The following LRP5 variants were observed in gnomAD, a reference collection of about 807,000 sequenced individuals.
LRP5 encodes low-density lipoprotein receptor-related protein 5.
LRP5 carries 62 observed loss-of-function variants against 154.1 expected under a neutral mutation model. The ratio of observed to expected loss-of-function variants is 0.40; its 90% CI spans 0.33 to 0.50. The LOEUF (loss-of-function observed/expected upper bound fraction) is 0.50. LRP5 is among the 20% of genes least tolerant of loss of function. LRP5 has a pLI of 0.55. For missense variants in LRP5, 1,915 were observed against 2,336.7 expected (o/e 0.82, Z 3.72); for synonymous variants, 966 against 1,011.5 (o/e 0.96, Z 0.85).
intron 1 of LRP5, among the ~76,000 whole-genome samples, chr11:68,345,663 C>G (rs1445945906): frequency 6.6e-6 from 1 of 152,168 alleles, no homozygotes; most frequent in African/African-American, 2.4e-5. Context: ...TCCCTGTTTT[C>G]AGTTCTTTTG....
intron 19 of LRP5, 43 bp downstream of exon 19, chr11:68,437,042 T>A (rs2153180608): frequency 2.6e-6 from 4 of 1,548,172 alleles, no homozygotes; most frequent in Non-Finnish European, 3.6e-6. Flanking sequence ...CCGGGCTGGG[T>A]TCCCCCAGGA....
Position 68,446,610 on chromosome 11 carries a change from A to G in LRP5, c.4586+77A>G. 20 of 1,263,488 alleles carry G rather than the reference A, an allele frequency of 1.6e-5. 1 individual carries two copies. In the South Asian group the frequency reaches 2.4e-4, roughly 15 times the overall value. 78.3% of individuals were successfully genotyped at this position (1,263,488 alleles called of 1,614,324 possible). ...GGTGGAGGGGCCTAATCCCCATGCC[A>G]CTGATGAGGGGAGGTATTCTGGGTG... On this transcript the variant is annotated intron_variant, in intron 22 of 22. Coordinates refer to ENST00000294304, the MANE Select transcript of LRP5 (RefSeq NM_002335.4).
chr11:68,298,666 C>A, the LRP5 span, among the ~76,000 whole-genome samples: 3 of 152,164 alleles, frequency 2.0e-5, no homozygotes, highest in Non-Finnish European at 2.9e-5. Flanking sequence ...CAGAAAAGCC[C>A]CTACCCACTC....
chr11:68,325,462 T>G (rs2098599118), intron 1 of LRP5, among the ~76,000 whole-genome samples: 1 of 152,174 alleles, frequency 6.6e-6, no homozygotes, highest in Non-Finnish European at 1.5e-5. Flanking sequence ...GCCAGCTTGG[T>G]CACCAAGGCA....
chr11:68,373,956 C>T (rs922384825), intron 5 of LRP5, among the ~76,000 whole-genome samples: 5 of 152,150 alleles, frequency 3.3e-5, no homozygotes, highest in African/African-American at 7.2e-5. Flanking sequence ...GTGCCCTGGC[C>T]GGTGGCTCTC....
At chr11:68,340,932 G>A (rs2098608584) in intron 1 of LRP5, among the ~76,000 whole-genome samples, 1 of 151,960 alleles carries the variant, frequency 6.6e-6, no homozygotes, top group Non-Finnish European at 1.5e-5. Flanking sequence ...GGTTATGCTG[G>A]GTGTGTGGTT....
chr11:68,424,578 C>T (rs1471408366), intron 14 of LRP5, among the ~76,000 whole-genome samples: 2 of 152,238 alleles, frequency 1.3e-5, no homozygotes, highest in Admixed American at 1.3e-4. Context: ...ACCTGTTTCC[C>T]ATGGCTGCTG....
chr11:68,334,127 G>C (rs2098604378), intron 1 of LRP5, among the ~76,000 whole-genome samples: 1 of 152,196 alleles, frequency 6.6e-6, no homozygotes, highest in African/African-American at 2.4e-5. Flanking sequence ...CCAGCTATTT[G>C]AGAAGCTGAG....
At position 68,406,828 on chromosome 11, in the gene LRP5, A is replaced by AACGTGC; in HGVS notation, c.2091+18_2091+23dup. The AACGTGC allele has an allele frequency of 6.2e-7, 1 of 1,613,170 alleles. No individual in the cohort carries two copies. The highest frequency in any genetic ancestry group is 1.1e-5 in the South Asian group (1 of 91,004). On this transcript the variant is annotated intron_variant, in intron 9 of 22. Transcript: ENST00000294304. ...TCAGCCTGAAGGTAGCGTGGGCCAG[A>AACGTGC]ACGTGCACACAGGCAGCCTTTATGG...
intron 21 of LRP5, chr11:68,445,499 G>C (rs1017917386): frequency 3.7e-6 from 3 of 811,544 alleles, no homozygotes; most frequent in East Asian, 1.0e-4. Context: ...CAGTGTTCTT[G>C]TACCACCCTA....
At chr11:68,390,407 T>G (rs1472740366) in intron 7 of LRP5, among the ~76,000 whole-genome samples, 2 of 152,234 alleles carry the variant, frequency 1.3e-5, no homozygotes, top group Non-Finnish European at 2.9e-5. Context: ...ATTTAAATTA[T>G]TTCACAATAC....
intron 13 of LRP5, among the ~76,000 whole-genome samples, chr11:68,418,032 C>T (rs1784235): frequency 0.7 from 106,156 of 152,120 alleles, 38,413 homozygotes; most frequent in South Asian, 0.84. Context: ...GTGCTCACGG[C>T]GGCCTCAGGC....
In LRP5 at chr11:68,416,310, T is replaced by C. The variant is rs200093926; in HGVS notation, c.2828-18T>C. 388 of 1,612,494 alleles carry C rather than the reference T, an allele frequency of 2.4e-4. 1 individual carries two copies. The African/African-American group carries it at 4.7e-3, about 20-fold the overall frequency. ...GCTTACAGACACCCACCTGCAGCCCTGTCTTTGCCTCCTCTAGCGCCCACC... is the reference window on the plus strand; with the variant it reads ...GCTTACAGACACCCACCTGCAGCCCCGTCTTTGCCTCCTCTAGCGCCCACC... On this transcript the variant is annotated intron_variant, in intron 12 of 22. Coordinates refer to ENST00000294304, the MANE Select transcript of LRP5 (RefSeq NM_002335.4).
rs372205313 is a variant in LRP5, at chr11:68,426,119, G to T, written c.3569G>T (p.Arg1190Leu). Residue 1190 changes from arginine to leucine, a missense_variant, in exon 16 of 23, where the codon CGC becomes CTC. Arg to Leu is a moderately radical substitution (Grantham distance 102). Around this residue, in one of 3 missense-constraint regions of LRP5, gnomAD observed 1,094 missense variants for 1,210.1 expected, o/e 0.90. Transcript: ENST00000294304. ...AAGACCACCGGGGACAAGCGGACTCGCATCCAGGGCCGTGTCGCCCACCTC... is the reference window on the plus strand; with the variant it reads ...AAGACCACCGGGGACAAGCGGACTCTCATCCAGGGCCGTGTCGCCCACCTC... ...VEKTTGDKRT[R>L]IQGRVAHLTG... 1.5e-5 allele frequency: 25 copies of T among 1,613,094 alleles called. No homozygotes were observed. Among genetic ancestry groups the T allele is most frequent in the Non-Finnish European group, 2.1e-5 (25 of 1,180,040 alleles).
intron 1 of LRP5, among the ~76,000 whole-genome samples, chr11:68,320,247 C>G (rs756638457): frequency 6.6e-6 from 1 of 152,184 alleles, no homozygotes; most frequent in Non-Finnish European, 1.5e-5. Flanking sequence ...TACGAGAACA[C>G]ACACTTTCCT....
At chr11:68,445,559 C>T (rs1333778184) in intron 21 of LRP5, 3 of 1,301,372 alleles carry the variant, frequency 2.3e-6, no homozygotes, top group Non-Finnish European at 3.0e-6. Flanking sequence ...AGTTCTGTTC[C>T]CATTATTCCG....
chr11:68,413,608 C>T lies in LRP5; in HGVS notation c.2504-81C>T. 2.3e-6 allele frequency: 3 copies of T among 1,305,112 alleles called. No homozygotes were observed. The highest frequency in any genetic ancestry group is 3.3e-6 in the Non-Finnish European group (3 of 903,978). The allele number at this position is 1,305,112 out of a possible 1,614,324, so 80.8% of individuals were successfully genotyped here. A position where few individuals can be genotyped will look rare whatever the true frequency, so the allele number is the denominator to read the frequency against. On this transcript the variant is annotated intron_variant, in intron 11 of 22. Coordinates refer to ENST00000294304, the MANE Select transcript of LRP5 (RefSeq NM_002335.4). The surrounding 1 kb of genome is among the most constrained non-coding windows in gnomAD (Gnocchi z 5.1). ...GGTCGCTAGGCTGCAGGGTTGAACCCTGGCTCACCCCGCAGGGCGCCGTGT... is the reference window on the plus strand; with the variant it reads ...GGTCGCTAGGCTGCAGGGTTGAACCTTGGCTCACCCCGCAGGGCGCCGTGT...
Position 68,403,666 on chromosome 11 carries a change from G to C in LRP5, c.1768G>C (p.Gly590Arg). ...CATTGACCAGCTGCCCGACCTGATG[G>C]GGCTCAAAGCTGTGAATGTGGCCAA... ...VIIDQLPDLMGLKAVNVAKVV... is the reference protein window; with the variant it reads ...VIIDQLPDLMRLKAVNVAKVV... Residue 590 changes from glycine (G) to arginine (R), a missense_variant, in exon 8 of 23, where the codon GGG (glycine) becomes CGG (arginine). Physicochemically the swap from Gly to Arg is moderately radical, Grantham distance 125 (BLOSUM62 -2). Transcript: ENST00000294304. 5 of 1,614,126 alleles carry C rather than the reference G, an allele frequency of 3.1e-6. No individual in the cohort carries two copies. The highest frequency in any genetic ancestry group is 4.2e-6 in the Non-Finnish European group (5 of 1,180,042).
chr11:68,308,262 G>C (rs535621606), upstream of LRP5, among the ~76,000 whole-genome samples: 7 of 152,172 alleles, frequency 4.6e-5, no homozygotes, highest in East Asian at 1.9e-4. Flanking sequence ...GGTTGGGGGG[G>C]GCTCTTGTGC....
Sources: gnomAD v4.1 joint callset for allele counts (sites outside exome capture counted in the v4.1 genomes callset) on GRCh38, gnomAD v4.1.1 for gene constraint, gnomAD v4.1.1 regional missense constraint, Gnocchi (gnomAD v3.1) non-coding constraint, MANE v1.5 for transcripts, NCBI Gene and HGNC (gene_info 2026-07-23, HGNC 2026-07-21) for gene names.